The following CAPZB variants were observed in gnomAD, a reference collection of about 807,000 sequenced individuals.
The protein encoded by CAPZB is capping actin protein of muscle Z-line subunit beta.
CAPZB carries 2 observed loss-of-function variants against 38.1 expected under a neutral mutation model. The ratio of observed to expected loss-of-function variants is 0.05; its 90% CI spans 0.02 to 0.17. The LOEUF (loss-of-function observed/expected upper bound fraction) is 0.17. Ranked by LOEUF, CAPZB falls within the 10% of genes least tolerant of loss-of-function variation. CAPZB has a pLI of 1.00. For synonymous variants in CAPZB, 107 were observed against 127.4 expected (o/e 0.84, Z 1.08); for missense variants, 161 against 334.2 (o/e 0.48, Z 4.04).
At chr1:19,437,477 C>A (rs992428642) in intron 1 of CAPZB, among the ~76,000 whole-genome samples, 1 of 152,178 alleles carries the variant, frequency 6.6e-6, no homozygotes, top group East Asian at 1.9e-4. Flanking sequence ...TCCAATAAAG[C>A]AGATAAATGT....
chr1:19,342,828 C>G (rs2093937958), intron 8 of CAPZB: 1 of 1,612,022 alleles, frequency 6.2e-7, no homozygotes, highest in East Asian at 2.2e-5. Flanking sequence ...TCTGCAACTG[C>G]TTAAACTTTT....
intron 1 of CAPZB, among the ~76,000 whole-genome samples, chr1:19,448,291 T>C (rs1168410088): frequency 1.3e-5 from 2 of 152,264 alleles, no homozygotes; most frequent in Non-Finnish European, 2.9e-5. Flanking sequence ...CACTCCTGGC[T>C]GTCAACCACT....
chr1:19,453,689 T>C (rs1421265195), intron 1 of CAPZB, among the ~76,000 whole-genome samples: 2 of 152,166 alleles, frequency 1.3e-5, no homozygotes, highest in African/African-American at 4.8e-5. Context: ...TCACAACACA[T>C]CTCACAACTC....
At chr1:19,371,789 T>TG (rs1190884965) in intron 4 of CAPZB, among the ~76,000 whole-genome samples, 1 of 152,244 alleles carries the variant, frequency 6.6e-6, no homozygotes, top group African/African-American at 2.4e-5. Context: ...CTGAGGGGTC[T>TG]GGGGCTGGGA....
At chr1:19,482,546 G>A (rs948953881) in intron 1 of CAPZB, among the ~76,000 whole-genome samples, 7 of 152,266 alleles carry the variant, frequency 4.6e-5, no homozygotes, top group South Asian at 2.1e-4. Context: ...TGTAAGGAAC[G>A]GTGCTCTGAA....
chr1:19,482,639 G>A (rs2094633745), intron 1 of CAPZB, among the ~76,000 whole-genome samples: 1 of 152,180 alleles, frequency 6.6e-6, no homozygotes, highest in Non-Finnish European at 1.5e-5. Context: ...CATTTTAACT[G>A]GGAAGGAGAA....
At chr1:19,418,008 C>T (rs752080121) in intron 2 of CAPZB, among the ~76,000 whole-genome samples, 5 of 151,448 alleles carry the variant, frequency 3.3e-5, no homozygotes, top group Admixed American at 2.6e-4. Flanking sequence ...CGGTCGTGGG[C>T]GCCTGTAATC....
intron 6 of CAPZB, among the ~76,000 whole-genome samples, chr1:19,348,979 A>G (rs775177856): frequency 2.0e-5 from 3 of 152,068 alleles, no homozygotes; most frequent in Non-Finnish European, 4.4e-5. Flanking sequence ...CGACCCTCAG[A>G]CCCCAGGGGG....
chr1:19,396,537 T>A (rs1206944567), intron 2 of CAPZB, among the ~76,000 whole-genome samples: 1 of 152,146 alleles, frequency 6.6e-6, no homozygotes, highest in African/African-American at 2.4e-5. Context: ...AGGCTCCTCC[T>A]AAAGCCAGAC....
chr1:19,439,943 GTC>G (rs1020589678), intron 1 of CAPZB, among the ~76,000 whole-genome samples: 3 of 152,194 alleles, frequency 2.0e-5, no homozygotes, highest in Non-Finnish European at 4.4e-5. Flanking sequence ...AACCTCAGCA[GTC>G]TCTCTGGCTG....
rs117715203 is a variant in CAPZB, at chr1:19,434,396, A to G, written c.4-14646T>C. ...TGTAAAGAAAGTAGCATAGTTCCTA[A>G]AACAACAAATATTCAATTAAATAAA... On this transcript the variant is annotated intron_variant, in intron 1 of 8. Transcript: ENST00000264202. Among the ~76,000 whole-genome samples, 21 of 152,198 alleles carry G rather than the reference A, an allele frequency of 1.4e-4. No homozygotes were observed. The East Asian group carries it at 4.1e-3, about 29-fold the overall frequency.
chr1:19,437,165 A>G (rs1416352292), intron 1 of CAPZB, among the ~76,000 whole-genome samples: 1 of 152,256 alleles, frequency 6.6e-6, no homozygotes, highest in Non-Finnish European at 1.5e-5. Flanking sequence ...ATCCAGACAA[A>G]TAAATCTGCT....
chr1:19,364,185 C>A (rs2094070301), intron 4 of CAPZB, among the ~76,000 whole-genome samples: 1 of 152,194 alleles, frequency 6.6e-6, no homozygotes, highest in African/African-American at 2.4e-5. Context: ...TATTTGGCAC[C>A]AACACAGTGC....
chr1:19,449,164 C>G, intron 1 of CAPZB: 1 of 1,324,596 alleles, frequency 7.5e-7, no homozygotes. Flanking sequence ...TGATAACGCA[C>G]AAAGTGCACT....
intron 1 of CAPZB, among the ~76,000 whole-genome samples, chr1:19,461,556 C>CATCCTAA (rs1036923269): frequency 1.3e-5 from 2 of 152,252 alleles, no homozygotes; most frequent in African/African-American, 4.8e-5. Flanking sequence ...CTGCTCACCT[C>CATCCTAA]ATCCTAAATC....
chr1:19,356,461 T>C lies in CAPZB; in HGVS notation c.588+174A>G, dbSNP rs1394947523. On this transcript the variant is annotated intron_variant, in intron 6 of 8. Coordinates refer to ENST00000264202, the MANE Select transcript of CAPZB (RefSeq NM_004930.5). This position sits in a 1 kb window ranked among gnomAD's most constrained non-coding sequence, Gnocchi z 4.3. ...GAGTGCCAGCAGCTGTGGGCAACCT[T>C]GCACAGCCCAGAGAGCTTTTATTTG... Among the ~76,000 whole-genome samples, 3 of 152,174 alleles carry C rather than the reference T, an allele frequency of 2.0e-5. No individual in the cohort carries two copies. The highest frequency in any genetic ancestry group is 2.0e-4 in the Admixed American group (3 of 15,274).
intron 8 of CAPZB, among the ~76,000 whole-genome samples, chr1:19,341,427 C>G (rs1019822152): frequency 4.1e-4 from 62 of 152,146 alleles, no homozygotes; most frequent in African/African-American, 1.2e-3. Flanking sequence ...CAGGTCTTGG[C>G]TGGATCACAC....
At chr1:19,472,709 A>ATTTTTTTTTTTTTTT (rs11334966) in intron 1 of CAPZB, among the ~76,000 whole-genome samples, 9 of 61,166 alleles carry the variant, frequency 1.5e-4, no homozygotes, top group African/African-American at 6.2e-4. Flanking sequence ...TTCATTCTTC[A>ATTTTTTTTTTTTTTT]TTTTTTTTTT....
intron 2 of CAPZB, among the ~76,000 whole-genome samples, chr1:19,414,721 C>G (rs977604152): frequency 3.3e-5 from 5 of 152,198 alleles, no homozygotes; most frequent in Admixed American, 3.3e-4. Flanking sequence ...GACATTTCTG[C>G]TCTTGCTGCC....
Sources: allele counts gnomAD v4.1 joint callset (sites outside exome capture counted in the v4.1 genomes callset), GRCh38; gene constraint gnomAD v4.1.1; non-coding constraint Gnocchi (gnomAD v3.1); transcripts MANE v1.5; gene names NCBI Gene and HGNC (gene_info 2026-07-23, HGNC 2026-07-21).